The following KCNH8 variants were observed in gnomAD, a reference collection of about 807,000 sequenced individuals.
KCNH8 encodes voltage-gated delayed rectifier potassium channel KCNH8.
KCNH8 carries 70 observed loss-of-function variants against 103.6 expected under a neutral mutation model. That is an observed-to-expected ratio of 0.68 (90% CI 0.56 to 0.82). The LOEUF (loss-of-function observed/expected upper bound fraction) is 0.82. KCNH8 is among the 40% of genes least tolerant of loss of function. KCNH8 has a pLI of 0.00. For synonymous variants in KCNH8, 498 were observed against 489.4 expected, an observed-to-expected ratio of 1.02 and a Z score of -0.23; for missense variants, 1,217 against 1,329.9, an observed-to-expected ratio of 0.92 and a Z score of 1.32.
chr3:19,333,202 G>A (rs1302525758), intron 3 of KCNH8, among the ~76,000 whole-genome samples: 4 of 151,922 alleles, frequency 2.6e-5, no homozygotes, highest in Non-Finnish European at 5.9e-5. Flanking sequence ...GGATTGTTTG[G>A]TTTTCTTATT....
At chr3:19,367,648 A>G (rs1293665555) in intron 5 of KCNH8, among the ~76,000 whole-genome samples, 5 of 151,832 alleles carry the variant, frequency 3.3e-5, no homozygotes, top group Non-Finnish European at 5.9e-5. Context: ...CATAGTTCAG[A>G]TAAACAAAAT....
intron 11 of KCNH8, among the ~76,000 whole-genome samples, chr3:19,475,514 C>T (rs2067955274): frequency 6.6e-6 from 1 of 152,278 alleles, no homozygotes; most frequent in African/African-American, 2.4e-5. Context: ...CACCCTTCTT[C>T]CCACAAATCT....
chr3:19,481,425 T>G (rs1236372710), intron 11 of KCNH8, among the ~76,000 whole-genome samples: 2 of 152,102 alleles, frequency 1.3e-5, no homozygotes, highest in African/African-American at 4.8e-5. Flanking sequence ...CAGTAGAGAT[T>G]AGAGATGACT....
chr3:19,290,055 A>G (rs971433186), intron 3 of KCNH8, among the ~76,000 whole-genome samples: 28 of 151,958 alleles, frequency 1.8e-4, no homozygotes, highest in African/African-American at 5.6e-4. Flanking sequence ...TTTGTCTGTT[A>G]TTGGTGTATA....
At chr3:19,502,469 A>G (rs2125234743) in intron 11 of KCNH8, among the ~76,000 whole-genome samples, 1 of 152,306 alleles carries the variant, frequency 6.6e-6, no homozygotes, top group East Asian at 1.9e-4. Context: ...CGCCAAGTCA[A>G]TCCTGAGCCA....
chr3:19,161,270 TG>T (rs1268364597), intron 1 of KCNH8, among the ~76,000 whole-genome samples: 2 of 152,160 alleles, frequency 1.3e-5, no homozygotes, highest in Non-Finnish European at 2.9e-5. Flanking sequence ...ATCCACCAGG[TG>T]GTATTGGAAC....
chr3:19,488,496 T>C (rs760437665), intron 11 of KCNH8, among the ~76,000 whole-genome samples: 6 of 152,240 alleles, frequency 3.9e-5, no homozygotes, highest in Non-Finnish European at 7.3e-5. Flanking sequence ...ACTAAGGCCA[T>C]GTTAATCATG....
At chr3:19,472,108 A>G (rs2067870990) in intron 11 of KCNH8, among the ~76,000 whole-genome samples, 1 of 151,438 alleles carries the variant, frequency 6.6e-6, no homozygotes, top group African/African-American at 2.4e-5. Context: ...CTGTATTTTA[A>G]TTCATTTTTG....
intron 3 of KCNH8, among the ~76,000 whole-genome samples, chr3:19,322,166 A>C (rs188064013): frequency 1.3e-5 from 2 of 152,098 alleles, no homozygotes; most frequent in Admixed American, 6.5e-5. Context: ...TTTTAATTGG[A>C]GCATTTAGGC....
At chr3:19,188,066 C>A (rs1158782582) in intron 1 of KCNH8, among the ~76,000 whole-genome samples, 1 of 151,948 alleles carries the variant, frequency 6.6e-6, no homozygotes, top group Non-Finnish European at 1.5e-5. Context: ...ATCAGCCCAC[C>A]ACATGTTTTT....
intron 2 of KCNH8, among the ~76,000 whole-genome samples, chr3:19,280,468 A>G (rs2064741216): frequency 6.6e-6 from 1 of 152,042 alleles, no homozygotes; most frequent in Admixed American, 6.6e-5. Flanking sequence ...TTTTAACATC[A>G]TAGATTAGTT....
intron 1 of KCNH8, among the ~76,000 whole-genome samples, chr3:19,244,828 G>A (rs1233889634): frequency 2.0e-5 from 3 of 151,438 alleles, no homozygotes; most frequent in Admixed American, 2.0e-4. Flanking sequence ...TTTTTTGTTT[G>A]TTGGTTTGTT....
chr3:19,390,889 T>A (rs1232364396), intron 6 of KCNH8, among the ~76,000 whole-genome samples: 1 of 152,156 alleles, frequency 6.6e-6, no homozygotes, highest in Non-Finnish European at 1.5e-5. Context: ...GAATTTATCA[T>A]AAATACTGAC....
intron 3 of KCNH8, among the ~76,000 whole-genome samples, chr3:19,316,372 G>T (rs1190472210): frequency 6.6e-6 from 1 of 151,814 alleles, no homozygotes; most frequent in African/African-American, 2.4e-5. Flanking sequence ...ATCTCCCCTG[G>T]TTGAGATACA....
intron 2 of KCNH8, among the ~76,000 whole-genome samples, chr3:19,279,453 G>A (rs771894387): frequency 7.9e-5 from 12 of 152,006 alleles, no homozygotes; most frequent in Non-Finnish European, 1.2e-4. Flanking sequence ...TGGCTAGTTA[G>A]TATTAGAACC....
At chr3:19,317,194 C>T (rs73182734) in intron 3 of KCNH8, among the ~76,000 whole-genome samples, 2 of 151,708 alleles carry the variant, frequency 1.3e-5, no homozygotes, top group African/African-American at 4.8e-5. Context: ...TGGGAAAATA[C>T]TGTATTATTT....
At chr3:19,260,742 C>T (rs1360527736) in intron 2 of KCNH8, among the ~76,000 whole-genome samples, 2 of 148,222 alleles carry the variant, frequency 1.3e-5, no homozygotes, top group African/African-American at 2.4e-5. Context: ...ATCCTTTGAA[C>T]TGCATCCCCC....
intron 3 of KCNH8, among the ~76,000 whole-genome samples, chr3:19,284,907 G>GA (rs1249075561): frequency 1.1e-4 from 16 of 150,862 alleles, no homozygotes; most frequent in South Asian, 6.2e-4. Context: ...AAAAGAAAAG[G>GA]AAAGAAAGAA....
At chr3:19,437,981 G>A (rs1489679714) in intron 7 of KCNH8, among the ~76,000 whole-genome samples, 183 bp from the exon 8 acceptor site, 3 of 152,098 alleles carry the variant, frequency 2.0e-5, no homozygotes, top group Admixed American at 6.5e-5. Flanking sequence ...AACAGCATGA[G>A]TAAAATTATA....
Sources: gnomAD v4.1 joint callset for allele counts (sites outside exome capture counted in the v4.1 genomes callset) on GRCh38, gnomAD v4.1.1 for gene constraint, MANE v1.5 for transcripts, NCBI Gene and HGNC (gene_info 2026-07-23, HGNC 2026-07-21) for gene names.